Variants in FKBP5 observed in about 807,000 individuals in gnomAD.
FKBP5 encodes the protein FKBP prolyl isomerase 5, also known as peptidyl-prolyl cis-trans isomerase FKBP5.
FKBP5 carries 23 observed loss-of-function variants against 50.5 expected under a neutral mutation model. The ratio of observed to expected loss-of-function variants is 0.46; its 90% CI spans 0.33 to 0.65. The LOEUF (loss-of-function observed/expected upper bound fraction) is 0.65, where lower values mean the gene tolerates loss of function less well. Among genes scored for constraint, FKBP5 ranks in the 30% least tolerant of loss-of-function variants. The probability of loss-of-function intolerance (pLI) is 0.02; values close to 1 mark genes in which losing one functional copy is unlikely to be tolerated. For synonymous variants in FKBP5, 176 were observed against 190.6 expected, an observed-to-expected ratio of 0.92 and a Z score of 0.63; for missense variants, 411 against 553.1, an observed-to-expected ratio of 0.74 and a Z score of 2.58.
chr6:35,711,711 T>G (rs911861858), intron 2 of FKBP5, among the ~76,000 whole-genome samples: 1 of 152,114 alleles, frequency 6.6e-6, no homozygotes, highest in African/African-American at 2.4e-5. Context: ...TAATCTATAT[T>G]GTGATAGACA....
chr6:35,672,651 G>A (rs1765419191), intron 1 of FKBP5, among the ~76,000 whole-genome samples: 1 of 152,012 alleles, frequency 6.6e-6, no homozygotes, highest in Non-Finnish European at 1.5e-5. Context: ...TGTGGCTGGA[G>A]GCGGTGGCTC....
At chr6:35,663,255 C>A (rs1408997890) in intron 1 of FKBP5, among the ~76,000 whole-genome samples, 2 of 152,198 alleles carry the variant, frequency 1.3e-5, no homozygotes, top group Non-Finnish European at 2.9e-5. Flanking sequence ...AGCATCATGA[C>A]CCATCCAGGG....
At chr6:35,683,254 G>A (rs2151011561) in intron 1 of FKBP5, among the ~76,000 whole-genome samples, 1 of 150,970 alleles carries the variant, frequency 6.6e-6, no homozygotes, top group East Asian at 2.0e-4. Context: ...CTGGGCTCAA[G>A]TGATTCTCTT....
At chr6:35,655,588 T>C (rs1233054420) in intron 1 of FKBP5, among the ~76,000 whole-genome samples, 1 of 152,104 alleles carries the variant, frequency 6.6e-6, no homozygotes, top group African/African-American at 2.4e-5. Flanking sequence ...CCACCTAGTA[T>C]AAGTAAATGG....
At chr6:35,663,176 A>AGTTTTAGACCAT (rs1765117567) in intron 1 of FKBP5, among the ~76,000 whole-genome samples, 1 of 152,230 alleles carries the variant, frequency 6.6e-6, no homozygotes, top group Admixed American at 6.5e-5. Flanking sequence ...AAACAGAGCC[A>AGTTTTAGACCAT]GTGACCATGT....
At position 35,646,547 on chromosome 6, in the gene FKBP5, T is replaced by C. The variant is rs187521165; in HGVS notation, c.-19-3704A>G. Among the ~76,000 whole-genome samples, 8 of 152,344 alleles carry C rather than the reference T, an allele frequency of 5.3e-5. No individual in the cohort carries two copies. The East Asian group carries it at 1.5e-3, about 29-fold the overall frequency. ...AGCTAACAAAACAAATAAAACTTTT[T>C]CCTTGATTGAATGTTATATAAAAAA... On this transcript the variant is annotated intron_variant, in intron 1 of 10. Coordinates refer to ENST00000357266, the MANE Select transcript of FKBP5 (RefSeq NM_004117.4).
intron 2 of FKBP5, among the ~76,000 whole-genome samples, chr6:35,717,428 T>A (rs73729767): frequency 0.049 from 7,458 of 152,236 alleles, 408 homozygotes; most frequent in African/African-American, 0.13. Flanking sequence ...TGCACGTGTG[T>A]TTGTGGGGCT....
At chr6:35,601,742 A>C (rs2150966527) in intron 5 of FKBP5, among the ~76,000 whole-genome samples, 1 of 152,296 alleles carries the variant, frequency 6.6e-6, no homozygotes, top group East Asian at 1.9e-4. Flanking sequence ...GTCTGTTGCT[A>C]ATCCCAACCA....
chr6:35,619,849 G>T (rs1376211376), intron 4 of FKBP5, among the ~76,000 whole-genome samples: 3 of 152,156 alleles, frequency 2.0e-5, no homozygotes, highest in Non-Finnish European at 2.9e-5. Flanking sequence ...TCAATTTTGA[G>T]TATGTCACAC....
At chr6:35,699,267 T>C (rs947151023) in intron 2 of FKBP5, among the ~76,000 whole-genome samples, 1 of 152,184 alleles carries the variant, frequency 6.6e-6, no homozygotes, top group Non-Finnish European at 1.5e-5. Flanking sequence ...CTTCTGAACA[T>C]GGTGTCTGGC....
intron 2 of FKBP5, among the ~76,000 whole-genome samples, chr6:35,641,404 C>T (rs1764485155): frequency 6.6e-6 from 1 of 152,166 alleles, no homozygotes; most frequent in Non-Finnish European, 1.5e-5. Flanking sequence ...ATGTACTATA[C>T]ATAACTGTGA....
intron 2 of FKBP5, among the ~76,000 whole-genome samples, chr6:35,708,376 T>A (rs973753753): frequency 6.6e-6 from 1 of 152,138 alleles, no homozygotes; most frequent in Non-Finnish European, 1.5e-5. Context: ...TGCCTCAGCC[T>A]CCTGAGTAGC....
intron 1 of FKBP5, among the ~76,000 whole-genome samples, chr6:35,670,588 C>T (rs1299115180): frequency 2.0e-5 from 3 of 151,568 alleles, no homozygotes; most frequent in Non-Finnish European, 4.4e-5. Flanking sequence ...AAAAATTAGC[C>T]GGGTGTGGTG....
chr6:35,662,888 G>A (rs1236605059), intron 1 of FKBP5, among the ~76,000 whole-genome samples: 8 of 152,262 alleles, frequency 5.3e-5, no homozygotes, highest in Non-Finnish European at 5.9e-5. Flanking sequence ...ACTGAAATAA[G>A]TTAGCCCAAG....
chr6:35,619,364 CA>C (rs75235862), intron 4 of FKBP5, among the ~76,000 whole-genome samples, 154 bp from the exon 5 acceptor site: 4,094 of 130,746 alleles, frequency 0.031, 63 homozygotes, highest in Middle Eastern at 0.08. Flanking sequence ...GGAAAAGTAG[CA>C]AAAAAAAAAA....
chr6:35,716,902 G>A (rs1289407078), intron 2 of FKBP5, among the ~76,000 whole-genome samples: 1 of 152,190 alleles, frequency 6.6e-6, no homozygotes. Context: ...TCCCCACAGG[G>A]GAGAGCATGG....
At chr6:35,603,593 T>A (rs897971990) in intron 5 of FKBP5, among the ~76,000 whole-genome samples, 4 of 151,970 alleles carry the variant, frequency 2.6e-5, no homozygotes, top group South Asian at 2.1e-4. Flanking sequence ...ATATGGAAAC[T>A]TTGTTTTTTA....
At chr6:35,690,797 G>C (rs1328323075), upstream of FKBP5, among the ~76,000 whole-genome samples, 1 of 151,736 alleles carries the variant, frequency 6.6e-6, no homozygotes, top group African/African-American at 2.4e-5. Context: ...ACCTGAGGTC[G>C]GGAGTTCGAG....
chr6:35,705,700 T>C (rs1410121386), intron 2 of FKBP5, among the ~76,000 whole-genome samples: 1 of 152,196 alleles, frequency 6.6e-6, no homozygotes, highest in Non-Finnish European at 1.5e-5. Context: ...ACTGATTAGC[T>C]ATCTGGGGGT....
Sources: gnomAD v4.1 joint callset for allele counts (sites outside exome capture counted in the v4.1 genomes callset) on GRCh38, gnomAD v4.1.1 for gene constraint, MANE v1.5 for transcripts, NCBI Gene and HGNC (gene_info 2026-07-23, HGNC 2026-07-21) for gene names.